ZEB1: variants seen among roughly 807,000 people sequenced by gnomAD.
ZEB1 encodes zinc finger E-box binding homeobox 1, also known as zinc finger E-box-binding homeobox 1.
A neutral mutation model predicts 84.9 loss-of-function variants in ZEB1; 21 were observed. That is an observed-to-expected ratio of 0.25 (90% CI 0.18 to 0.36). The LOEUF (loss-of-function observed/expected upper bound fraction) is 0.36. Ranked by LOEUF, ZEB1 falls within the 10% of genes least tolerant of loss-of-function variation. The pLI, the probability that ZEB1 is intolerant of heterozygous loss-of-function variation, is 1.00. For missense variants in ZEB1, 1,104 were observed against 1,330.2 expected, an observed-to-expected ratio of 0.83 and a Z score of 2.65; for synonymous variants, 420 against 471.1, an observed-to-expected ratio of 0.89 and a Z score of 1.41.
chr10:31,489,967 T>C (rs912371400), intron 2 of ZEB1, among the ~76,000 whole-genome samples: 76 of 151,680 alleles, frequency 5.0e-4, no homozygotes, highest in African/African-American at 1.8e-3. Context: ...ATATTCTTAT[T>C]GAATTTAGAA....
At chr10:31,498,984 A>G (rs534293015) in intron 3 of ZEB1, among the ~76,000 whole-genome samples, 1 of 152,250 alleles carries the variant, frequency 6.6e-6, no homozygotes, top group Admixed American at 6.5e-5. Flanking sequence ...AAATAAAAAG[A>G]TGAAATAAAA....
chr10:31,528,691 G>C lies in ZEB1; in HGVS notation c.*1427G>C, dbSNP rs1834605417. The stretch of plus-strand genomic sequence containing the variant: ...ATTACACAGTGTAGTGTATAATACT[G>C]TAGTTTGTATTAATACAATAATATA... On this transcript the variant is annotated 3_prime_UTR_variant, in exon 9 of 9. Transcript: ENST00000424869. 3 of 151,888 alleles carry C rather than the reference G, an allele frequency of 2.0e-5. No individual in the cohort carries two copies. Among genetic ancestry groups the C allele is most frequent in the South Asian group, 4.2e-4 (2 of 4,804 alleles). The allele number at this position is 151,888 out of a possible 1,614,324, so 9.4% of individuals were successfully genotyped here.
At chr10:31,321,538 T>G (rs1589910057) in intron 1 of ZEB1, 2 of 1,614,034 alleles carry the variant, frequency 1.2e-6, no homozygotes, top group East Asian at 4.5e-5. Context: ...GAAAGGTAAG[T>G]TGGTTCGGAA....
intron 1 of ZEB1, among the ~76,000 whole-genome samples, chr10:31,334,697 A>G (rs1308502365): frequency 6.6e-6 from 1 of 152,114 alleles, no homozygotes; most frequent in Non-Finnish European, 1.5e-5. Flanking sequence ...TAGGTGGGGA[A>G]AGAAGTCATA....
chr10:31,401,609 G>T (rs547832576), intron 1 of ZEB1, among the ~76,000 whole-genome samples: 1 of 152,246 alleles, frequency 6.6e-6, no homozygotes, highest in Admixed American at 6.6e-5. Context: ...AAGCAAAGGT[G>T]ACATTCTCTT....
intron 1 of ZEB1, 35 bp downstream of exon 1, chr10:31,319,327 CA>C (rs1368140988): frequency 1.3e-6 from 2 of 1,592,840 alleles, no homozygotes; most frequent in African/African-American, 1.3e-5. Context: ...GCGGCGGAGT[CA>C]GGGGGAGCTG....
intron 1 of ZEB1, chr10:31,387,204 G>C: frequency 1.0e-6 from 1 of 985,866 alleles, no homozygotes; most frequent in Non-Finnish European, 1.2e-6. Flanking sequence ...CTTTTTCAGT[G>C]TTCTTGGAGG....
chr10:31,419,719 T>C (rs1243772637), intron 1 of ZEB1, among the ~76,000 whole-genome samples: 2 of 152,228 alleles, frequency 1.3e-5, no homozygotes, highest in African/African-American at 4.8e-5. Context: ...ACTTTAGATA[T>C]TTTGAACTGC....
At chr10:31,507,164 T>G (rs906800880) in intron 4 of ZEB1, among the ~76,000 whole-genome samples, 2 of 152,212 alleles carry the variant, frequency 1.3e-5, no homozygotes, top group African/African-American at 4.8e-5. Flanking sequence ...ATCATTTCTT[T>G]CTCTCCTTGC....
chr10:31,501,635 T>C (rs961253249), intron 3 of ZEB1, among the ~76,000 whole-genome samples: 1 of 152,090 alleles, frequency 6.6e-6, no homozygotes, highest in Non-Finnish European at 1.5e-5. Flanking sequence ...CCCCCCATTA[T>C]CTGTGGGAGA....
Position 31,527,313 on chromosome 10 carries a change from C to A in ZEB1, c.*49C>A. On this transcript the variant is annotated 3_prime_UTR_variant, in exon 9 of 9. Transcript: ENST00000424869. ...ATTCTAATTGATAATGAATTTCGTT[C>A]AATATTATCCTTGCTTTTCATGGAA... 1 of 1,551,320 alleles carries A rather than the reference C, an allele frequency of 6.4e-7. No homozygotes were observed. The highest frequency in any genetic ancestry group is 1.2e-5 in the South Asian group (1 of 84,400).
At chr10:31,453,575 T>G (rs1241909456) in intron 1 of ZEB1, among the ~76,000 whole-genome samples, 1 of 152,174 alleles carries the variant, frequency 6.6e-6, no homozygotes, top group African/African-American at 2.4e-5. Context: ...GATACAGTGC[T>G]GCATGCAATC....
intron 1 of ZEB1, among the ~76,000 whole-genome samples, chr10:31,457,060 TA>T (rs201971964): frequency 0.011 from 1,729 of 152,298 alleles, 28 homozygotes; most frequent in African/African-American, 0.038. Flanking sequence ...TAAAGATTTT[TA>T]AAACTGTTTA....
intron 1 of ZEB1, among the ~76,000 whole-genome samples, chr10:31,372,739 A>G (rs1052944178): frequency 3.9e-5 from 6 of 152,028 alleles, no homozygotes; most frequent in Non-Finnish European, 8.8e-5. Context: ...TGACTCAATA[A>G]TTTATTATAT....
intron 2 of ZEB1, among the ~76,000 whole-genome samples, chr10:31,494,154 T>C (rs1183689523): frequency 6.6e-6 from 1 of 151,986 alleles, no homozygotes; most frequent in Non-Finnish European, 1.5e-5. Context: ...TGTTTATTAT[T>C]TTAGTTTAAG....
chr10:31,358,235 G>GCTT (rs2042422312), intron 1 of ZEB1: 3 of 152,202 alleles, frequency 2.0e-5, no homozygotes, highest in African/African-American at 7.2e-5. Context: ...GAAGAAGGAA[G>GCTT]CGTTGGATAG....
chr10:31,363,433 G>T (rs1200509359), intron 1 of ZEB1: 1 of 1,534,088 alleles, frequency 6.5e-7, no homozygotes, highest in African/African-American at 1.4e-5. Flanking sequence ...TCCCTCCAAG[G>T]GCCTGGGATT....
intron 1 of ZEB1, among the ~76,000 whole-genome samples, chr10:31,347,667 A>G (rs1419811669): frequency 6.6e-6 from 1 of 152,214 alleles, no homozygotes; most frequent in Non-Finnish European, 1.5e-5. Flanking sequence ...TCTTCATTAT[A>G]GTGGAAATAG....
intron 1 of ZEB1, among the ~76,000 whole-genome samples, chr10:31,367,349 G>A (rs1382231359): frequency 6.6e-5 from 10 of 152,092 alleles, no homozygotes; most frequent in Admixed American, 1.3e-4. Context: ...CTGGGAGTGT[G>A]GCCTAGGACT....
Sources: gnomAD v4.1 joint callset for allele counts (sites outside exome capture counted in the v4.1 genomes callset) on GRCh38, gnomAD v4.1.1 for gene constraint, MANE v1.5 for transcripts, NCBI Gene and HGNC (gene_info 2026-07-23, HGNC 2026-07-21) for gene names.